POGLUT1: variants seen among roughly 807,000 people sequenced by gnomAD.
The protein encoded by POGLUT1 is protein O-glucosyltransferase 1.
A neutral mutation model predicts 61.3 loss-of-function variants in POGLUT1; 32 were observed. The observed-to-expected ratio is 0.52, with a 90% CI of 0.39 to 0.70. POGLUT1 has a LOEUF of 0.70. Ranked by LOEUF, POGLUT1 falls within the 30% of genes least tolerant of loss-of-function variation. The pLI is 0.00. For synonymous variants in POGLUT1, 158 were observed against 158.2 expected, an observed-to-expected ratio of 1.00 and a Z score of 0.01; for missense variants, 411 against 469.8, an observed-to-expected ratio of 0.87 and a Z score of 1.16.
Position 119,490,690 on chromosome 3 carries a change from C to A in POGLUT1, c.937C>A (p.Pro313Thr), listed in dbSNP as rs778653026. The change falls in exon 9 of 11, where the codon CCA (proline) becomes ACA (threonine). Residue 313 changes from proline to threonine, a missense_variant. By Grantham distance (38) the Pro-to-Thr change is conservative (BLOSUM62 -1). Transcript: ENST00000295588. ...PQLKPWVHYI[P>T]VKTDLSNVQE... is the part of the protein sequence containing the mutation. Reference sequence around the variant, plus strand: ...GCTGAAGCCATGGGTTCACTATATCCCAGTCAAAACAGATCTCTCCAATGT... The same window carrying A: ...GCTGAAGCCATGGGTTCACTATATCACAGTCAAAACAGATCTCTCCAATGT... The A allele has an allele frequency of 6.2e-7, 1 of 1,614,002 alleles. No individual in the cohort carries two copies. Among genetic ancestry groups the A allele is most frequent in the Admixed American group, 1.7e-5 (1 of 60,016 alleles).
At chr3:119,484,144 C>G (rs982251555) in intron 5 of POGLUT1, among the ~76,000 whole-genome samples, 2 of 152,212 alleles carry the variant, frequency 1.3e-5, no homozygotes, top group East Asian at 3.9e-4. Flanking sequence ...AAAGGTGATC[C>G]ATCCAGAAAA....
chr3:119,485,081 G>A (rs1268470866), intron 5 of POGLUT1, among the ~76,000 whole-genome samples: 4 of 152,168 alleles, frequency 2.6e-5, no homozygotes. Context: ...GCCGGGCGTG[G>A]TGGCGGGCGC....
At chr3:119,489,166 GAGA>G in intron 8 of POGLUT1, 179 bp downstream of exon 8, 2 of 433,826 alleles carry the variant, frequency 4.6e-6, no homozygotes, top group Admixed American at 7.1e-5. Flanking sequence ...GGCGACTGTA[GAGA>G]AGAATGGAAC....
At chr3:119,479,182 G>A (rs142325355) in intron 4 of POGLUT1, among the ~76,000 whole-genome samples, 112 of 151,854 alleles carry the variant, frequency 7.4e-4, no homozygotes, top group African/African-American at 2.6e-3. Flanking sequence ...TACCCGTCTC[G>A]GCCTCCCAAA....
At chr3:119,486,675 A>G (rs1577085909) in intron 6 of POGLUT1, among the ~76,000 whole-genome samples, 158 bp from the exon 7 acceptor site, 1 of 152,240 alleles carries the variant, frequency 6.6e-6, no homozygotes, top group Non-Finnish European at 1.5e-5. Flanking sequence ...TAGATGCTGC[A>G]GTACCCAGTA....
chr3:119,473,045 A>G (rs1577076866), intron 3 of POGLUT1, among the ~76,000 whole-genome samples: 1 of 152,220 alleles, frequency 6.6e-6, no homozygotes, highest in East Asian at 1.9e-4. Flanking sequence ...CAAATAAATA[A>G]TAATAAAGAA....
At chr3:119,470,799 A>G (rs940236408) in intron 2 of POGLUT1, among the ~76,000 whole-genome samples, 1 of 152,210 alleles carries the variant, frequency 6.6e-6, no homozygotes, top group South Asian at 2.1e-4. Context: ...GATGCTTATG[A>G]TACTTATTGA....
intron 3 of POGLUT1, among the ~76,000 whole-genome samples, chr3:119,476,243 C>T (rs575970253): frequency 2.0e-5 from 3 of 152,214 alleles, no homozygotes; most frequent in Admixed American, 6.5e-5. Context: ...CTTCCACAAC[C>T]GATATATCAT....
At position 119,493,204 on chromosome 3, in the gene POGLUT1, A is replaced by C. The variant is rs1398578400; in HGVS notation, c.*766A>C. On this transcript the variant is annotated 3_prime_UTR_variant, in exon 11 of 11. Coordinates refer to ENST00000295588, the MANE Select transcript of POGLUT1 (RefSeq NM_152305.3). The stretch of plus-strand genomic sequence containing the variant: ...AATTTAATGGAACTATACATAGAAC[A>C]GCAGCTCTTCCTCACCCTTTGCATA... 6.6e-6 allele frequency: 1 copy of C among 152,296 alleles called. No individual in the cohort carries two copies. The highest frequency in any genetic ancestry group is 1.9e-4 in the East Asian group (1 of 5,188). 9.4% of individuals were successfully genotyped at this position (152,296 alleles called of 1,614,324 possible). A position where few individuals can be genotyped will look rare whatever the true frequency, so the allele number is the denominator to read the frequency against.
At chr3:119,469,696 T>C (rs938638547) in intron 1 of POGLUT1, 124 bp from the exon 2 acceptor site, 5 of 623,416 alleles carry the variant, frequency 8.0e-6, no homozygotes, top group Non-Finnish European at 1.4e-5. Context: ...GCGTTTCGTT[T>C]CCATCAGTGG....
At chr3:119,470,668 A>G (rs988764575) in intron 2 of POGLUT1, among the ~76,000 whole-genome samples, 1 of 152,164 alleles carries the variant, frequency 6.6e-6, no homozygotes, top group East Asian at 1.9e-4. Context: ...CGGTACTCCC[A>G]CTGGTTACCC....
At chr3:119,475,476 T>G (rs1277486903) in intron 3 of POGLUT1, among the ~76,000 whole-genome samples, 1 of 152,186 alleles carries the variant, frequency 6.6e-6, no homozygotes, top group Non-Finnish European at 1.5e-5. Context: ...TAGGCTAAAT[T>G]CCTAAAAGTA....
Position 119,486,896 on chromosome 3 carries a change from A to G in POGLUT1, c.702A>G (p.Ala234=). The G allele has an allele frequency of 6.2e-7, 1 of 1,613,532 alleles. No homozygotes were observed. The highest frequency in any genetic ancestry group is 8.5e-7 in the Non-Finnish European group (1 of 1,179,430). The change falls in exon 7 of 11, where the codon GCA becomes GCG. Residue 234 remains alanine, a synonymous_variant. Transcript: ENST00000295588. ...GGAAAAACCCAAAACTTGTTGATGC[A>G]GAATACACCAAAAACCAGGCCTGGA... ...LSRKNPKLVD[A]EYTKNQAWKS... is the part of the protein sequence containing the mutation.
intron 2 of POGLUT1, among the ~76,000 whole-genome samples, chr3:119,470,888 G>C (rs2081461945): frequency 6.6e-6 from 1 of 152,190 alleles, no homozygotes; most frequent in African/African-American, 2.4e-5. Context: ...CCAGAGTAAG[G>C]GCTTGTGGGG....
At chr3:119,473,570 A>T (rs1185131708) in intron 3 of POGLUT1, among the ~76,000 whole-genome samples, 1 of 152,228 alleles carries the variant, frequency 6.6e-6, no homozygotes, top group East Asian at 1.9e-4. Context: ...GCAGTATTCC[A>T]AAACACAATC....
intron 4 of POGLUT1, chr3:119,478,103 A>G (rs1390121270): frequency 8.9e-6 from 3 of 336,030 alleles, no homozygotes; most frequent in Non-Finnish European, 1.7e-5. Flanking sequence ...GGTTCATGTA[A>G]ATGTTGTATC....
At chr3:119,473,092 C>T (rs1448773505) in intron 3 of POGLUT1, among the ~76,000 whole-genome samples, 1 of 152,130 alleles carries the variant, frequency 6.6e-6, no homozygotes, top group Non-Finnish European at 1.5e-5. Context: ...TCTCACTACC[C>T]TGAGGAAATC....
At chr3:119,474,442 T>A (rs2081512498) in intron 3 of POGLUT1, among the ~76,000 whole-genome samples, 1 of 152,136 alleles carries the variant, frequency 6.6e-6, no homozygotes, top group African/African-American at 2.4e-5. Flanking sequence ...CTCCCTCTCC[T>A]CCCCATGCCC....
intron 3 of POGLUT1, among the ~76,000 whole-genome samples, chr3:119,475,551 G>A (rs1424423307): frequency 4.6e-5 from 7 of 152,070 alleles, no homozygotes; most frequent in Non-Finnish European, 8.8e-5. Context: ...GGTGGCTCAC[G>A]CCTGTTATCC....
Sources: gnomAD v4.1 joint callset for allele counts (sites outside exome capture counted in the v4.1 genomes callset) on GRCh38, gnomAD v4.1.1 for gene constraint, MANE v1.5 for transcripts, NCBI Gene and HGNC (gene_info 2026-07-23, HGNC 2026-07-21) for gene names.